Variants in FMNL2 observed in about 807,000 individuals in gnomAD.
FMNL2 encodes the protein formin like 2, also known as formin-like protein 2.
A neutral mutation model predicts 130.2 loss-of-function variants in FMNL2; 51 were observed. That is an observed-to-expected ratio of 0.39 (90% CI 0.31 to 0.49). The LOEUF (loss-of-function observed/expected upper bound fraction) is 0.49, where lower values mean the gene tolerates loss of function less well. FMNL2 is among the 20% of genes least tolerant of loss of function. FMNL2 has a pLI of 0.85. For synonymous variants in FMNL2, 465 were observed against 467.1 expected (o/e 1.00, Z 0.06); for missense variants, 977 against 1,316.2 (o/e 0.74, Z 3.99).
intron 3 of FMNL2, among the ~76,000 whole-genome samples, chr2:152,545,061 A>G (rs1363456410): frequency 6.6e-6 from 1 of 152,184 alleles, no homozygotes; most frequent in Non-Finnish European, 1.5e-5. Context: ...ATCTTTCAAG[A>G]TCAGTCATTC....
At chr2:152,412,711 G>A (rs539632472) in intron 1 of FMNL2, among the ~76,000 whole-genome samples, 8 of 151,806 alleles carry the variant, frequency 5.3e-5, no homozygotes, top group African/African-American at 1.9e-4. Flanking sequence ...GGGAGGCTGA[G>A]GTGGGAGGAT....
At chr2:152,395,997 G>C (rs1259329141) in intron 1 of FMNL2, among the ~76,000 whole-genome samples, 1 of 152,226 alleles carries the variant, frequency 6.6e-6, no homozygotes, top group Non-Finnish European at 1.5e-5. Flanking sequence ...GACAGAGTCA[G>C]AAAGTCCTTG....
intron 1 of FMNL2, among the ~76,000 whole-genome samples, chr2:152,376,130 G>C (rs1198650345): frequency 6.6e-6 from 1 of 151,956 alleles, no homozygotes; most frequent in Non-Finnish European, 1.5e-5. Flanking sequence ...CTGGCCTCAA[G>C]TGATCCAACC....
intron 1 of FMNL2, among the ~76,000 whole-genome samples, chr2:152,426,239 A>G (rs1412255716): frequency 3.3e-5 from 5 of 152,170 alleles, no homozygotes. Flanking sequence ...TGTGGCTGAA[A>G]TGCTCTCCAG....
In FMNL2 at chr2:152,632,123, A is replaced by T; in HGVS notation, c.2666A>T (p.Glu889Val). Residue 889 changes from glutamate (E) to valine (V), a missense_variant, in exon 21 of 26, where the codon GAA (glutamate) becomes GTA (valine). Around this residue, in one of 4 missense-constraint regions of FMNL2, gnomAD observed 689 missense variants for 995.9 expected, o/e 0.69. Coordinates refer to ENST00000288670, the MANE Select transcript of FMNL2 (RefSeq NM_052905.4). Reference sequence around the variant, plus strand: ...TTTTATAATGAGCTTCATTATGTGGAAAAAGCTGCTGCAGGTACTTGATTT... The same window carrying T: ...TTTTATAATGAGCTTCATTATGTGGTAAAAGCTGCTGCAGGTACTTGATTT... ...SLFYNELHYV[E>V]KAAAVSLENV... is the part of the protein sequence containing the mutation. The T allele has an allele frequency of 6.2e-7, 1 of 1,609,314 alleles. No individual in the cohort carries two copies. Among genetic ancestry groups the T allele is most frequent in the Non-Finnish European group, 8.5e-7 (1 of 1,177,886 alleles).
chr2:152,589,333 A>C, intron 9 of FMNL2, among the ~76,000 whole-genome samples: 1 of 152,098 alleles, frequency 6.6e-6, no homozygotes, highest in Non-Finnish European at 1.5e-5. Flanking sequence ...AAAACAACAA[A>C]AAAAAACCCA....
At chr2:152,367,059 T>TTGTGTG (rs34033628) in intron 1 of FMNL2, among the ~76,000 whole-genome samples, 2 of 142,612 alleles carry the variant, frequency 1.4e-5, no homozygotes. Context: ...TACCCTGTTA[T>TTGTGTG]TGTGTGTGTG....
intron 1 of FMNL2, among the ~76,000 whole-genome samples, chr2:152,481,532 G>A (rs1266384811): frequency 6.6e-6 from 1 of 152,176 alleles, no homozygotes; most frequent in Non-Finnish European, 1.5e-5. Flanking sequence ...CCAAGATTCT[G>A]ATTTAATTTG....
Position 152,450,812 on chromosome 2 carries a change from C to T in FMNL2, c.118-71131C>T, listed in dbSNP as rs145217595. On this transcript the variant is annotated intron_variant, in intron 1 of 25. Coordinates refer to ENST00000288670, the MANE Select transcript of FMNL2 (RefSeq NM_052905.4). The stretch of plus-strand genomic sequence containing the variant: ...GCTCATAGCCTCTTACCTGTCCACT[C>T]GTTCCTTAAAATCATTGACGGTTGT... Among the ~76,000 whole-genome samples, 350 of 152,326 alleles carry T rather than the reference C, an allele frequency of 2.3e-3. 3 individuals are homozygous for T. The highest frequency in any genetic ancestry group is 6.0e-3 in the African/African-American group (250 of 41,568).
chr2:152,402,614 G>A (rs1348783560), intron 1 of FMNL2, among the ~76,000 whole-genome samples: 1 of 152,168 alleles, frequency 6.6e-6, no homozygotes, highest in Non-Finnish European at 1.5e-5. Flanking sequence ...AATTTGGCCA[G>A]GTTCATTCAT....
intron 1 of FMNL2, among the ~76,000 whole-genome samples, chr2:152,499,904 C>T (rs181795344): frequency 1.3e-5 from 2 of 152,280 alleles, no homozygotes; most frequent in East Asian, 3.9e-4. Context: ...ATAAGTTGTA[C>T]TGTGTTGGCT....
At chr2:152,465,797 G>C (rs950455825) in intron 1 of FMNL2, among the ~76,000 whole-genome samples, 4 of 152,238 alleles carry the variant, frequency 2.6e-5, no homozygotes, top group Non-Finnish European at 4.4e-5. Context: ...GAGGGCACCT[G>C]TGGGCTTGCG....
chr2:152,501,275 G>A (rs1042088814), intron 1 of FMNL2, among the ~76,000 whole-genome samples: 1 of 152,172 alleles, frequency 6.6e-6, no homozygotes, highest in Admixed American at 6.5e-5. Context: ...TATTGTTGAT[G>A]TAAGAATGTA....
chr2:152,527,129 A>G (rs1262168026), intron 2 of FMNL2, among the ~76,000 whole-genome samples: 1 of 152,140 alleles, frequency 6.6e-6, no homozygotes, highest in African/African-American at 2.4e-5. Context: ...TGTTTTCTGC[A>G]CTTACCTGTT....
At chr2:152,488,785 A>G (rs1375363627) in intron 1 of FMNL2, among the ~76,000 whole-genome samples, 2 of 152,220 alleles carry the variant, frequency 1.3e-5, no homozygotes, top group Non-Finnish European at 2.9e-5. Flanking sequence ...TTTGGTGTCA[A>G]CTAGGACACA....
At chr2:152,569,185 T>A (rs561170398) in intron 6 of FMNL2, among the ~76,000 whole-genome samples, 1 of 146,980 alleles carries the variant, frequency 6.8e-6, no homozygotes, top group Non-Finnish European at 1.5e-5. Context: ...ACCAGAACAC[T>A]AACTAGCTTT....
intron 1 of FMNL2, among the ~76,000 whole-genome samples, chr2:152,386,915 T>A (rs1361014999): frequency 1.3e-5 from 2 of 152,080 alleles, no homozygotes; most frequent in African/African-American, 2.4e-5. Context: ...GCTTTAGGAG[T>A]CTAGGAGACT....
chr2:152,412,446 TTATATATATATATATATATATATATATA>T (rs56681937), intron 1 of FMNL2, among the ~76,000 whole-genome samples: 49,525 of 103,324 alleles, frequency 0.48, 12,580 homozygotes, highest in South Asian at 0.62. Flanking sequence ...TCTGTATATT[TTATATATATATATATATATATATATATA>T]TATATATATA....
intron 1 of FMNL2, among the ~76,000 whole-genome samples, chr2:152,478,827 CT>C (rs1467971069): frequency 6.6e-6 from 1 of 151,918 alleles, no homozygotes; most frequent in African/African-American, 2.4e-5. Flanking sequence ...TACTAAAAAG[CT>C]TATATGGATG....
Sources: allele counts gnomAD v4.1 joint callset (sites outside exome capture counted in the v4.1 genomes callset), GRCh38; gene constraint gnomAD v4.1.1; regional missense constraint gnomAD v4.1.1; transcripts MANE v1.5; gene names NCBI Gene and HGNC (gene_info 2026-07-23, HGNC 2026-07-21).